Variants in TBCK observed in about 807,000 individuals in gnomAD.
TBCK encodes TBC domain-containing protein kinase-like protein.
In TBCK, 99 loss-of-function variants were observed where a neutral mutation model predicts 113.4. The ratio of observed to expected loss-of-function variants is 0.87; its 90% CI spans 0.74 to 1.03. The LOEUF (loss-of-function observed/expected upper bound fraction) is 1.03. Among genes scored for constraint, TBCK ranks in the 50% least tolerant of loss-of-function variants. The probability of loss-of-function intolerance (pLI) is 0.00; values close to 1 mark genes in which losing one functional copy is unlikely to be tolerated. For missense variants in TBCK, 1,045 were observed against 1,061.3 expected, an observed-to-expected ratio of 0.98 and a Z score of 0.21; for synonymous variants, 369 against 370.8, an observed-to-expected ratio of 1.00 and a Z score of 0.05.
rs994326753 is a variant in TBCK, at chr4:106,234,095, G to T, written c.1450-445C>A. ...ACTGAATGAACGACTACAAATTTTG[G>T]TCGTGTTCTATAGGACCAAGCATGA... On this transcript the variant is annotated intron_variant, in intron 15 of 25. Transcript: ENST00000394708. Among the ~76,000 whole-genome samples, 7 of 152,028 alleles carry T rather than the reference G, an allele frequency of 4.6e-5. No individual in the cohort carries two copies. The South Asian group carries it at 8.3e-4, about 18-fold the overall frequency.
intron 24 of TBCK, among the ~76,000 whole-genome samples, chr4:106,111,568 C>T (rs1466994427): frequency 6.6e-6 from 1 of 152,172 alleles, no homozygotes; most frequent in Non-Finnish European, 1.5e-5. Flanking sequence ...GTAAATCAAG[C>T]TTGGCTCCCC....
At chr4:106,206,813 T>A (rs1560819684) in intron 20 of TBCK, among the ~76,000 whole-genome samples, 7 of 152,212 alleles carry the variant, frequency 4.6e-5, no homozygotes, top group Admixed American at 3.3e-4. Flanking sequence ...TTAAGTAGTA[T>A]AAGCATCCTT....
At chr4:106,272,232 G>A (rs1044099724) in intron 3 of TBCK, among the ~76,000 whole-genome samples, 3 of 151,960 alleles carry the variant, frequency 2.0e-5, no homozygotes, top group South Asian at 2.1e-4. Flanking sequence ...AATAATAACC[G>A]CCAGTACAGC....
intron 22 of TBCK, among the ~76,000 whole-genome samples, chr4:106,190,537 C>G (rs576734513): frequency 4.3e-4 from 66 of 152,260 alleles, no homozygotes; most frequent in African/African-American, 1.6e-3. Flanking sequence ...TTCACAATTA[C>G]ACTATATCTC....
At chr4:106,116,763 G>A (rs905900859) in intron 23 of TBCK, among the ~76,000 whole-genome samples, 15 of 152,020 alleles carry the variant, frequency 9.9e-5, no homozygotes. Context: ...TAGGTTGCAA[G>A]CTCTTTATGA....
chr4:106,171,224 A>G lies in TBCK; in HGVS notation c.2106T>C (p.Cys702=). 6.2e-7 allele frequency: 1 copy of G among 1,612,128 alleles called. No homozygotes were observed. Among genetic ancestry groups the G allele is most frequent in the Non-Finnish European group, 8.5e-7 (1 of 1,179,238 alleles). The change falls in exon 23 of 26, where the codon TGT becomes TGC. Residue 702 remains cysteine (C), a synonymous_variant. Transcript: ENST00000394708. ...RCVRESINLF[C]WTPKSATYRQ... is the part of the protein sequence containing the mutation. ...TGTAAGTAGCACTTTTAGGAGTCCA[A>G]CAAAACAGGTTGATAGATTCTCTCA... is the stretch of plus-strand genomic sequence containing the variant.
At chr4:106,106,036 G>C (rs1056426311) in intron 24 of TBCK, among the ~76,000 whole-genome samples, 9 of 151,692 alleles carry the variant, frequency 5.9e-5, no homozygotes, top group African/African-American at 2.2e-4. Context: ...GCCGATGAAA[G>C]AATCTCACAA....
intron 12 of TBCK, among the ~76,000 whole-genome samples, chr4:106,241,101 A>G (rs1760063994): frequency 6.6e-6 from 1 of 151,968 alleles, no homozygotes; most frequent in Admixed American, 6.6e-5. Flanking sequence ...TTTTCTGTTT[A>G]AAAATTTTTA....
intron 20 of TBCK, among the ~76,000 whole-genome samples, chr4:106,204,745 A>G (rs1490370741): frequency 1.4e-5 from 2 of 138,212 alleles, no homozygotes; most frequent in East Asian, 4.2e-4. Context: ...TGACAGACAA[A>G]CAATGATTTT....
At position 106,308,907 on chromosome 4, in the gene TBCK, A is replaced by G. The variant is rs199931633; in HGVS notation, c.54T>C (p.Ala18=). 971 of 1,614,196 alleles carry G rather than the reference A, an allele frequency of 6.0e-4. 8 individuals are homozygous for G. The South Asian group carries it at 0.01, about 17-fold the overall frequency. ...TGCTTCCACAAACATCATGTGGCAG[A>G]GCCGAGGCAAAGAAGGTAAAGGCTC... ...EMGAFTFFAS[A]LPHDVCGSNG... Residue 18 remains alanine, a synonymous_variant, in exon 2 of 26, where the codon GCT becomes GCC. Transcript: ENST00000394708.
chr4:106,177,374 C>T (rs1751803820), intron 22 of TBCK, among the ~76,000 whole-genome samples: 1 of 151,788 alleles, frequency 6.6e-6, no homozygotes, highest in Non-Finnish European at 1.5e-5. Context: ...GCTTTGGTTG[C>T]CTGTGTTTTT....
intron 3 of TBCK, among the ~76,000 whole-genome samples, chr4:106,265,574 G>C (rs948540201): frequency 6.6e-6 from 1 of 151,606 alleles, no homozygotes; most frequent in Non-Finnish European, 1.5e-5. Context: ...CAGAGAGAGA[G>C]TGAGAGAAAT....
At chr4:106,166,123 C>T (rs1750343575) in intron 23 of TBCK, among the ~76,000 whole-genome samples, 1 of 151,624 alleles carries the variant, frequency 6.6e-6, no homozygotes, top group African/African-American at 2.4e-5. Context: ...ATTCTTTTTA[C>T]AGCATGCATA....
At chr4:106,101,824 T>G (rs191570214) in intron 24 of TBCK, among the ~76,000 whole-genome samples, 1 of 152,284 alleles carries the variant, frequency 6.6e-6, no homozygotes, top group East Asian at 1.9e-4. Context: ...TAATATGAAC[T>G]TCCAAGAAAA....
intron 22 of TBCK, among the ~76,000 whole-genome samples, chr4:106,174,649 ATTTG>A (rs1326117847): frequency 6.6e-6 from 1 of 152,044 alleles, no homozygotes; most frequent in Non-Finnish European, 1.5e-5. Context: ...GTTTGTGATA[ATTTG>A]TTTCTTTTTA....
chr4:106,118,539 T>C, intron 23 of TBCK, among the ~76,000 whole-genome samples: 1 of 152,238 alleles, frequency 6.6e-6, no homozygotes, highest in East Asian at 1.9e-4. Flanking sequence ...ATACAATCAA[T>C]GCTTCCATCT....
intron 23 of TBCK, among the ~76,000 whole-genome samples, chr4:106,121,700 A>G (rs1744405992): frequency 6.6e-6 from 1 of 152,254 alleles, no homozygotes; most frequent in South Asian, 2.1e-4. Context: ...CAATCAAACT[A>G]GAACTCAGGA....
intron 18 of TBCK, among the ~76,000 whole-genome samples, chr4:106,230,996 T>C (rs189587939): frequency 2.0e-5 from 3 of 151,828 alleles, no homozygotes; most frequent in Admixed American, 2.0e-4. Context: ...ATTCAAAGAG[T>C]AAAATTTCAT....
In TBCK at chr4:106,171,091, A is replaced by G; in HGVS notation, c.2235+4T>C. ...GTTTGTAAACTAAATCCGCAAATAC[A>G]TACCAGATCTGTCTTTGGAGGATCT... On this transcript the variant is annotated splice_donor_region_variant and intron_variant, in intron 23 of 25. Transcript: ENST00000394708. 3.8e-6 allele frequency: 6 copies of G among 1,583,042 alleles called. No individual in the cohort carries two copies. Among genetic ancestry groups the G allele is most frequent in the South Asian group, 1.2e-5 (1 of 84,950 alleles).
Sources: allele counts gnomAD v4.1 joint callset (sites outside exome capture counted in the v4.1 genomes callset), GRCh38; gene constraint gnomAD v4.1.1; transcripts MANE v1.5; gene names NCBI Gene and HGNC (gene_info 2026-07-23, HGNC 2026-07-21).